Variants in SORCS2 observed in about 807,000 individuals in gnomAD.
SORCS2 encodes sortilin related VPS10 domain containing receptor 2.
A neutral mutation model predicts 141.6 loss-of-function variants in SORCS2; 100 were observed. The ratio of observed to expected loss-of-function variants is 0.71; its 90% CI spans 0.60 to 0.83. SORCS2 has a LOEUF of 0.83. Ranked by LOEUF, SORCS2 falls within the 40% of genes least tolerant of loss-of-function variation. SORCS2 has a pLI of 0.00. For missense variants in SORCS2, 1,646 were observed against 1,560.2 expected (o/e 1.05, Z -0.93); for synonymous variants, 789 against 676.9 (o/e 1.17, Z -2.57).
At chr4:7,228,704 T>C (rs1229055874) in intron 1 of SORCS2, among the ~76,000 whole-genome samples, 1 of 152,100 alleles carries the variant, frequency 6.6e-6, no homozygotes, top group Non-Finnish European at 1.5e-5. Flanking sequence ...ACCCGCAGCT[T>C]CTCTGTGGTC....
chr4:7,699,005 G>A (rs533711309), intron 12 of SORCS2, among the ~76,000 whole-genome samples: 6 of 152,342 alleles, frequency 3.9e-5, no homozygotes, highest in African/African-American at 1.2e-4. Flanking sequence ...AGTGAGATGC[G>A]TCTGAGAGAG....
intron 14 of SORCS2, among the ~76,000 whole-genome samples, chr4:7,708,866 G>T (rs995220506): frequency 2.0e-5 from 3 of 152,176 alleles, no homozygotes; most frequent in Non-Finnish European, 2.9e-5. Flanking sequence ...GTAAAAATTG[G>T]GTGGGGATAA....
At chr4:7,370,446 C>T (rs1722180395) in intron 1 of SORCS2, among the ~76,000 whole-genome samples, 1 of 152,206 alleles carries the variant, frequency 6.6e-6, no homozygotes. Context: ...CTGGGATCGT[C>T]ATCATTATAG....
At chr4:7,673,915 A>G (rs1722939862) in intron 8 of SORCS2, among the ~76,000 whole-genome samples, 1 of 152,160 alleles carries the variant, frequency 6.6e-6, no homozygotes, top group Non-Finnish European at 1.5e-5. Context: ...ATTCCCTGCC[A>G]CGGCCCAGGC....
chr4:7,714,241 G>A lies in SORCS2; in HGVS notation c.1991G>A (p.Gly664Asp), dbSNP rs1225101836. 1.9e-6 allele frequency: 3 copies of A among 1,610,114 alleles called. No homozygotes were observed. The African/African-American group carries it at 4.0e-5, about 22-fold the overall frequency. Reference sequence around the variant, plus strand: ...CTTACCCTGATGTTCCTGCTGCAGGGCGACCGCTGTATCATGGGCCAGCAG... The same window carrying A: ...CTTACCCTGATGTTCCTGCTGCAGGACGACCGCTGTATCATGGGCCAGCAG... The part of the protein sequence containing the change: ...YSSWELSNLQ[G>D]DRCIMGQQRS... The change falls in exon 16 of 27, where the codon GGC becomes GAC. Residue 664 changes from glycine to aspartate, a missense_variant and splice_region_variant. Gly to Asp is a moderately conservative substitution (Grantham distance 94, BLOSUM62 -1). Transcript: ENST00000507866.
intron 1 of SORCS2, among the ~76,000 whole-genome samples, chr4:7,343,112 A>C (rs1367073670): frequency 4.6e-5 from 7 of 152,198 alleles, no homozygotes; most frequent in Non-Finnish European, 1.0e-4. Flanking sequence ...TCTTCCGGGC[A>C]CGGCAACAGG....
At chr4:7,278,307 C>T (rs953313098) in intron 1 of SORCS2, among the ~76,000 whole-genome samples, 4 of 152,188 alleles carry the variant, frequency 2.6e-5, no homozygotes, top group African/African-American at 9.7e-5. Context: ...CTGATGTCTG[C>T]CTGGTTGGGA....
intron 4 of SORCS2, among the ~76,000 whole-genome samples, chr4:7,652,820 G>C (rs1243916764): frequency 2.0e-5 from 3 of 152,208 alleles, no homozygotes; most frequent in Non-Finnish European, 2.9e-5. Flanking sequence ...ATCCGGCCTT[G>C]GTTGGTGGTT....
intron 2 of SORCS2, among the ~76,000 whole-genome samples, chr4:7,531,263 T>C (rs1455679286): frequency 6.6e-6 from 1 of 152,008 alleles, no homozygotes; most frequent in Non-Finnish European, 1.5e-5. Flanking sequence ...CTGGCTGGGA[T>C]TTGGAGTCAG....
At chr4:7,626,528 T>G (rs1560436621) in intron 3 of SORCS2, among the ~76,000 whole-genome samples, 2 of 152,238 alleles carry the variant, frequency 1.3e-5, no homozygotes, top group South Asian at 4.1e-4. Flanking sequence ...GCTTCATGCC[T>G]CTGTCTCTAT....
intron 25 of SORCS2, among the ~76,000 whole-genome samples, chr4:7,736,165 C>T (rs1459015461): frequency 6.6e-6 from 1 of 152,252 alleles, no homozygotes; most frequent in African/African-American, 2.4e-5. Flanking sequence ...AAGGGCTGGG[C>T]TGGGCAGCAC....
In SORCS2 at chr4:7,546,239, C is replaced by T. The variant is rs570524071; in HGVS notation, c.648+14610C>T. On this transcript the variant is annotated intron_variant, in intron 3 of 26. Transcript: ENST00000507866. Reference sequence around the variant, plus strand: ...TCACGTTCCAGCAACAGCTCAGAGGCATCCAGGGACCAAGCCTGGGTCACC... The same window carrying T: ...TCACGTTCCAGCAACAGCTCAGAGGTATCCAGGGACCAAGCCTGGGTCACC... Among the ~76,000 whole-genome samples the T allele has an allele frequency of 1.8e-4, 27 of 152,302 alleles. No individual in the cohort carries two copies. The South Asian group carries it at 5.0e-3, about 28-fold the overall frequency.
rs1346710355 is a variant in SORCS2 at position 7,654,199 on chromosome 4, C to T, written c.879C>T (p.His293=). The T allele has an allele frequency of 1.3e-5, 21 of 1,576,360 alleles. No homozygotes were observed. The highest frequency in any genetic ancestry group is 2.3e-5 in the East Asian group (1 of 43,008). The change falls in exon 5 of 27, where the codon CAC becomes CAT. Residue 293 remains histidine, a synonymous_variant. Coordinates refer to ENST00000507866, the MANE Select transcript of SORCS2 (RefSeq NM_020777.3). ...TLLQERVTKD[H]VFWSVSGVDA... ...TGCAAGAGCGAGTGACCAAAGACCA[C>T]GTGTTCTGGTGAGAGCACTTCCCCA...
chr4:7,325,574 G>T (rs941165609), intron 1 of SORCS2, among the ~76,000 whole-genome samples: 1 of 152,204 alleles, frequency 6.6e-6, no homozygotes, highest in Non-Finnish European at 1.5e-5. Flanking sequence ...GGGCAGCTCC[G>T]TGGAACTCAA....
At chr4:7,719,156 A>G (rs1030548535) in intron 18 of SORCS2, among the ~76,000 whole-genome samples, 1 of 152,180 alleles carries the variant, frequency 6.6e-6, no homozygotes, top group Non-Finnish European at 1.5e-5. Context: ...GCGGCTTCAC[A>G]GTGATGTGTG....
chr4:7,281,999 C>T (rs900845367), intron 1 of SORCS2, among the ~76,000 whole-genome samples: 4 of 152,216 alleles, frequency 2.6e-5, no homozygotes, highest in African/African-American at 4.8e-5. Context: ...TTGCTTCCCT[C>T]GCCACTCTGC....
Position 7,717,862 on chromosome 4 carries a change from C to G in SORCS2, c.2253-150C>G, listed in dbSNP as rs1726296607. 14 of 732,770 alleles carry G rather than the reference C, an allele frequency of 1.9e-5. 1 individual carries two copies. The highest frequency in any genetic ancestry group is 2.7e-5 in the Non-Finnish European group (13 of 473,368). The allele number at this position is 732,770 out of a possible 1,614,324, so 45.4% of individuals were successfully genotyped here. ...GGCTGTAACAGCAATCAGGTGGAGT[C>G]AGGAGGTGACTGGGAGTTAGCAAGT... On this transcript the variant is annotated intron_variant, in intron 17 of 26. Transcript: ENST00000507866.
At chr4:7,414,876 C>A (rs908619637) in intron 2 of SORCS2, among the ~76,000 whole-genome samples, 1 of 152,064 alleles carries the variant, frequency 6.6e-6, no homozygotes, top group Non-Finnish European at 1.5e-5. Flanking sequence ...TAATTGCGCT[C>A]CTTTGAAATG....
At chr4:7,520,906 G>A (rs572754151) in intron 2 of SORCS2, among the ~76,000 whole-genome samples, 1 of 152,356 alleles carries the variant, frequency 6.6e-6, no homozygotes, top group South Asian at 2.1e-4. Flanking sequence ...AGGACGTGCA[G>A]GGTGGGTGCC....
Sources: allele counts gnomAD v4.1 joint callset (sites outside exome capture counted in the v4.1 genomes callset), GRCh38; gene constraint gnomAD v4.1.1; transcripts MANE v1.5; gene names NCBI Gene and HGNC (gene_info 2026-07-23, HGNC 2026-07-21).